Variants in GPC6 observed in about 807,000 individuals in gnomAD.
GPC6 encodes glypican-6.
In GPC6, 14 loss-of-function variants were observed where a neutral mutation model predicts 55.2. That is an observed-to-expected ratio of 0.25 (90% CI 0.17 to 0.40). The LOEUF is 0.40. Ranked by LOEUF, GPC6 falls within the 10% of genes least tolerant of loss-of-function variation. The probability of loss-of-function intolerance (pLI) is 1.00; values close to 1 mark genes in which losing one functional copy is unlikely to be tolerated. For synonymous variants in GPC6, 278 were observed against 259.6 expected, an observed-to-expected ratio of 1.07 and a Z score of -0.68; for missense variants, 641 against 708.5, an observed-to-expected ratio of 0.90 and a Z score of 1.08.
At chr13:93,688,178 G>C (rs1009635966) in intron 2 of GPC6, among the ~76,000 whole-genome samples, 2 of 152,082 alleles carry the variant, frequency 1.3e-5, no homozygotes, top group Admixed American at 1.3e-4. Flanking sequence ...TGATAGGAGA[G>C]AGGATGTATA....
At chr13:94,367,027 C>T (rs944673892) in intron 6 of GPC6, among the ~76,000 whole-genome samples, 6 of 152,162 alleles carry the variant, frequency 3.9e-5, no homozygotes, top group Admixed American at 1.3e-4. Context: ...CCCAGAACTG[C>T]CTAGCGAGGG....
intron 4 of GPC6, among the ~76,000 whole-genome samples, chr13:94,035,015 AT>A (rs1282849442): frequency 1.3e-5 from 2 of 151,760 alleles, no homozygotes; most frequent in Non-Finnish European, 2.9e-5. Flanking sequence ...CAACAGAAGA[AT>A]TTAGTTGACC....
At chr13:93,700,710 C>T (rs1444664670) in intron 2 of GPC6, among the ~76,000 whole-genome samples, 3 of 151,904 alleles carry the variant, frequency 2.0e-5, no homozygotes, top group Non-Finnish European at 4.4e-5. Flanking sequence ...TTAGGAAAAC[C>T]CAGAGTTCAA....
intron 4 of GPC6, among the ~76,000 whole-genome samples, chr13:94,036,201 G>A (rs951597802): frequency 6.6e-6 from 1 of 151,978 alleles, no homozygotes; most frequent in African/African-American, 2.4e-5. Context: ...AAAATATCGT[G>A]TCCATAGATA....
intron 1 of GPC6, among the ~76,000 whole-genome samples, chr13:93,536,854 A>G (rs1882083073): frequency 6.6e-6 from 1 of 152,218 alleles, no homozygotes; most frequent in South Asian, 2.1e-4. Flanking sequence ...TCCTAAAGGT[A>G]TAGATTAAAG....
chr13:93,776,156 A>G (rs1885460403), intron 2 of GPC6, among the ~76,000 whole-genome samples: 1 of 152,130 alleles, frequency 6.6e-6, no homozygotes, highest in Non-Finnish European at 1.5e-5. Flanking sequence ...ACTACATAAA[A>G]ATAGTACAAT....
chr13:94,082,091 T>C (rs1429786867), intron 4 of GPC6, among the ~76,000 whole-genome samples: 1 of 152,104 alleles, frequency 6.6e-6, no homozygotes, highest in Non-Finnish European at 1.5e-5. Flanking sequence ...TCCACCTGCC[T>C]CGGCCTCCCA....
chr13:94,249,071 A>T (rs145620976), intron 4 of GPC6, among the ~76,000 whole-genome samples: 1 of 152,234 alleles, frequency 6.6e-6, no homozygotes, highest in Non-Finnish European at 1.5e-5. Flanking sequence ...CCAGTTAGTC[A>T]CTTGGTTAGA....
chr13:94,373,759 T>C (rs919281266), intron 6 of GPC6, among the ~76,000 whole-genome samples: 4 of 152,028 alleles, frequency 2.6e-5, no homozygotes, highest in Non-Finnish European at 4.4e-5. Context: ...AGACACATAA[T>C]TGTCAGATTC....
chr13:94,223,113 T>G (rs145413792), intron 4 of GPC6, among the ~76,000 whole-genome samples: 58 of 152,278 alleles, frequency 3.8e-4, no homozygotes, highest in African/African-American at 1.3e-3. Context: ...ACCACAAAGC[T>G]ACATAAAGTG....
At chr13:94,115,921 A>G (rs1167670938) in intron 4 of GPC6, among the ~76,000 whole-genome samples, 1 of 152,058 alleles carries the variant, frequency 6.6e-6, no homozygotes, top group Middle Eastern at 3.2e-3. Flanking sequence ...CACTCTCTGA[A>G]TTAGTTAATT....
intron 5 of GPC6, among the ~76,000 whole-genome samples, chr13:94,290,187 C>T (rs1318795356): frequency 6.6e-6 from 1 of 151,740 alleles, no homozygotes; most frequent in African/African-American, 2.4e-5. Flanking sequence ...TTTGGGAGGC[C>T]GAGGCAGGAG....
At position 93,464,428 on chromosome 13, in the gene GPC6, T is replaced by C. The variant is rs956537863; in HGVS notation, c.161-80835T>C. On this transcript the variant is annotated intron_variant, in intron 1 of 8. Coordinates refer to ENST00000377047, the MANE Select transcript of GPC6 (RefSeq NM_005708.5). ...CAGCTTTATCAACTCAGTTATGTAA[T>C]GTTCTAAATATTTTGTTGTCATCTC... 3.3e-5 allele frequency among the ~76,000 whole-genome samples: 5 copies of C among 152,214 alleles called. No individual in the cohort carries two copies. The South Asian group carries it at 6.2e-4, about 19-fold the overall frequency.
chr13:93,622,909 A>G (rs545207191), intron 2 of GPC6, among the ~76,000 whole-genome samples: 7 of 151,984 alleles, frequency 4.6e-5, no homozygotes, highest in South Asian at 2.1e-4. Context: ...CCCATTCCCC[A>G]CTTCCTCCTA....
At chr13:94,363,132 T>G (rs995570205) in intron 6 of GPC6, among the ~76,000 whole-genome samples, 1 of 152,118 alleles carries the variant, frequency 6.6e-6, no homozygotes, top group African/African-American at 2.4e-5. Flanking sequence ...TTAAAAAATA[T>G]TTTCCTTTAT....
intron 2 of GPC6, among the ~76,000 whole-genome samples, chr13:93,654,407 A>G (rs1678504262): frequency 6.6e-6 from 1 of 151,988 alleles, no homozygotes; most frequent in African/African-American, 2.4e-5. Flanking sequence ...AGCTCACTGC[A>G]ACCTCTGCCT....
intron 1 of GPC6, among the ~76,000 whole-genome samples, chr13:93,491,697 A>G (rs9741055): frequency 0.18 from 22,655 of 126,730 alleles, 2,043 homozygotes; most frequent in Middle Eastern, 0.24. Context: ...TGATTTTTGT[A>G]TAAGGTGTAA....
chr13:94,256,564 C>T (rs1891510740), intron 4 of GPC6, among the ~76,000 whole-genome samples: 1 of 152,174 alleles, frequency 6.6e-6, no homozygotes, highest in Admixed American at 6.5e-5. Flanking sequence ...TCTCCATCAT[C>T]ATCATCCTCT....
At chr13:94,215,153 T>C (rs1198074664) in intron 4 of GPC6, among the ~76,000 whole-genome samples, 6 of 152,244 alleles carry the variant, frequency 3.9e-5, no homozygotes, top group African/African-American at 1.4e-4. Context: ...TTTCACAGTA[T>C]GAACTATTAT....
Sources: gnomAD v4.1 joint callset for allele counts (sites outside exome capture counted in the v4.1 genomes callset) on GRCh38, gnomAD v4.1.1 for gene constraint, MANE v1.5 for transcripts, NCBI Gene and HGNC (gene_info 2026-07-23, HGNC 2026-07-21) for gene names.